EFTUD2: variants seen among roughly 807,000 people sequenced by gnomAD.
The protein encoded by EFTUD2 is 116 kDa U5 small nuclear ribonucleoprotein component.
EFTUD2 carries 9 observed loss-of-function variants against 114.3 expected under a neutral mutation model. That is an observed-to-expected ratio of 0.08 (90% CI 0.05 to 0.14). The LOEUF is 0.14. EFTUD2 is among the 10% of genes least tolerant of loss of function. The pLI, the probability that EFTUD2 is intolerant of heterozygous loss-of-function variation, is 1.00. For synonymous variants in EFTUD2, 449 were observed against 462.3 expected (o/e 0.97, Z 0.37); for missense variants, 765 against 1,241.2 (o/e 0.62, Z 5.76).
intron 10 of EFTUD2, 114 bp downstream of exon 10, chr17:44,875,820 C>CCAACAAACTCAT (rs1202858699): frequency 4.4e-6 from 6 of 1,365,556 alleles, no homozygotes; most frequent in Non-Finnish European, 6.0e-6. Context: ...CTAGTTTTGC[C>CCAACAAACTCAT]CAACAAACTC....
At chr17:44,884,818 T>C (rs1382291171) in intron 4 of EFTUD2, among the ~76,000 whole-genome samples, 3 of 151,486 alleles carry the variant, frequency 2.0e-5, no homozygotes, top group African/African-American at 7.3e-5. Flanking sequence ...GCCTGGGAGG[T>C]CAAGGCTGCA....
At chr17:44,875,270 C>T (rs2050925778) in intron 10 of EFTUD2, among the ~76,000 whole-genome samples, 1 of 152,000 alleles carries the variant, frequency 6.6e-6, no homozygotes, top group African/African-American at 2.4e-5. Context: ...GTGGTTCACG[C>T]CTGTAATCCC....
At chr17:44,857,987 T>C (rs546302791) in intron 19 of EFTUD2, among the ~76,000 whole-genome samples, 49 of 146,284 alleles carry the variant, frequency 3.3e-4, no homozygotes, top group African/African-American at 1.3e-3. Context: ...AATGGTGCGA[T>C]CTTGGCTCAC....
intron 11 of EFTUD2, among the ~76,000 whole-genome samples, chr17:44,869,489 G>A (rs1233500685): frequency 6.6e-6 from 1 of 152,014 alleles, no homozygotes; most frequent in Non-Finnish European, 1.5e-5. Context: ...TTGTAGAGAC[G>A]AGGTCTTGCC....
At chr17:44,880,358 T>C (rs895115281) in intron 8 of EFTUD2, 196 bp downstream of exon 8, 1 of 487,976 alleles carries the variant, frequency 2.0e-6, no homozygotes. Context: ...AAGACATGAA[T>C]AGAAGGCCTG....
chr17:44,878,260 G>T (rs1442617400), intron 9 of EFTUD2, among the ~76,000 whole-genome samples: 3 of 152,166 alleles, frequency 2.0e-5, no homozygotes, highest in Non-Finnish European at 2.9e-5. Context: ...ATAAGGAGAA[G>T]AATAACCAGA....
chr17:44,867,872 T>C lies in EFTUD2; in HGVS notation c.1084A>G (p.Thr362Ala), dbSNP rs1192253324. 4 of 1,603,184 alleles carry C rather than the reference T, an allele frequency of 2.5e-6. No homozygotes were observed. Among genetic ancestry groups the C allele is most frequent in the Non-Finnish European group, 3.4e-6 (4 of 1,174,558 alleles). The change falls in exon 13 of 28, where the codon ACT becomes GCT. Residue 362 changes from threonine (T) to alanine (A), a missense_variant. Around this residue, in one of 6 missense-constraint regions of EFTUD2, gnomAD observed 251 missense variants for 357.7 expected, o/e 0.70. Transcript: ENST00000426333. ...KTRKFTKKAP[T>A]SSSQRSFVEF... is the part of the protein sequence containing the mutation. ...ACGAAACTTCTCTGGGAGCTGCTAGTTGGGGCCTTTTTGGTGAACTTTCGC... is the reference window on the plus strand; with the variant it reads ...ACGAAACTTCTCTGGGAGCTGCTAGCTGGGGCCTTTTTGGTGAACTTTCGC...
At position 44,863,792 on chromosome 17, in the gene EFTUD2, G is replaced by C. The variant is rs372354442; in HGVS notation, c.1286-10C>G. The C allele has an allele frequency of 1.4e-5, 22 of 1,613,386 alleles. No individual in the cohort carries two copies. The Admixed American group carries it at 2.5e-4, about 18-fold the overall frequency. ...CACATGTCCACAAAGCCTGTGGATG[G>C]AGAAGAGAAAGCCATTAATACATGC... On this transcript the variant is annotated splice_polypyrimidine_tract_variant and intron_variant, in intron 14 of 27. Coordinates refer to ENST00000426333, the MANE Select transcript of EFTUD2 (RefSeq NM_004247.4).
At chr17:44,870,173 C>T (rs2050821214) in intron 11 of EFTUD2, among the ~76,000 whole-genome samples, 1 of 152,174 alleles carries the variant, frequency 6.6e-6, no homozygotes, top group Non-Finnish European at 1.5e-5. Flanking sequence ...CTAGCTCTGG[C>T]ATAAACTAAC....
intron 18 of EFTUD2, 25 bp downstream of exon 18, chr17:44,859,880 C>A (rs757708467): frequency 1.2e-6 from 2 of 1,613,488 alleles, no homozygotes; most frequent in Non-Finnish European, 8.5e-7. Context: ...TGGGGCTTGG[C>A]GGCTGCTGCA....
rs765924901 is a variant in EFTUD2 at position 44,852,515 on chromosome 17, G to A, written c.2609C>T (p.Thr870Ile). 1.9e-6 allele frequency: 3 copies of A among 1,614,146 alleles called. No homozygotes were observed. The highest frequency in any genetic ancestry group is 1.1e-5 in the South Asian group (1 of 91,074). ...GATGGCCGGGATAAAAGCTTTGATG[G>A]TGTACAGAGGGGAGCCTGGGATGGG... ...DAPIPGSPLY[T>I]IKAFIPAIDS... The change falls in exon 26 of 28, where the codon ACC becomes ATC. Residue 870 changes from threonine to isoleucine, a missense_variant. Thr to Ile is a moderately conservative substitution (Grantham distance 89). Coordinates refer to ENST00000426333, the MANE Select transcript of EFTUD2 (RefSeq NM_004247.4).
At chr17:44,897,023 T>C (rs1315502972) in intron 1 of EFTUD2, among the ~76,000 whole-genome samples, 2 of 152,084 alleles carry the variant, frequency 1.3e-5, no homozygotes, top group Admixed American at 1.3e-4. Flanking sequence ...GAGACCATCC[T>C]GGCTAACACG....
In EFTUD2 at chr17:44,858,589, C is replaced by G. The variant is rs561934619; in HGVS notation, c.1962+491G>C. Among the ~76,000 whole-genome samples, 49 of 152,054 alleles carry G rather than the reference C, an allele frequency of 3.2e-4. 1 individual carries two copies. Among genetic ancestry groups the G allele is most frequent in the African/African-American group, 1.1e-3 (47 of 41,478 alleles). The stretch of plus-strand genomic sequence containing the variant: ...TCCTCCCACCTAAGCCCCCCAGTAG[C>G]TGGACTACAGGTACATGCCACTGCA... On this transcript the variant is annotated intron_variant, in intron 19 of 27. Coordinates refer to ENST00000426333, the MANE Select transcript of EFTUD2 (RefSeq NM_004247.4).
Position 44,862,883 on chromosome 17 carries a change from A to C in EFTUD2, c.1437T>G (p.Thr479=). 2 of 1,611,994 alleles carry C rather than the reference A, an allele frequency of 1.2e-6. No homozygotes were observed. Among genetic ancestry groups the C allele is most frequent in the Non-Finnish European group, 1.7e-6 (2 of 1,178,220 alleles). Residue 479 remains threonine, a synonymous_variant, in exon 16 of 28, where the codon ACT becomes ACG. Coordinates refer to ENST00000426333, the MANE Select transcript of EFTUD2 (RefSeq NM_004247.4). ...DPDGPLMCHT[T]KMYSTDDGVQ... ...CTCCATCATCTGTGCTGTACATCTT[A>C]GTAGTGTGGCACATCAGGGGGCCCT... is the stretch of plus-strand genomic sequence containing the variant.
At chr17:44,885,534 G>A (rs1311329140) in intron 3 of EFTUD2, among the ~76,000 whole-genome samples, 200 bp from the exon 4 acceptor site, 1 of 151,482 alleles carries the variant, frequency 6.6e-6, no homozygotes, top group Non-Finnish European at 1.5e-5. Flanking sequence ...ATTGTGGAAA[G>A]AGGAGTCTGG....
In EFTUD2 at chr17:44,888,861, T is replaced by C. The variant is rs570777113; in HGVS notation, c.106-2111A>G. Among the ~76,000 whole-genome samples the C allele has an allele frequency of 1.3e-4, 20 of 152,260 alleles. No individual in the cohort carries two copies. The South Asian group carries it at 3.1e-3, about 24-fold the overall frequency. ...TGTTAGACATTAAGTAGAGATGCCA[T>C]GTAGGAAGGTGGACATACAAACATG... On this transcript the variant is annotated intron_variant, in intron 2 of 27. Transcript: ENST00000426333.
intron 2 of EFTUD2, among the ~76,000 whole-genome samples, chr17:44,888,869 G>A (rs983394699): frequency 6.6e-6 from 1 of 152,192 alleles, no homozygotes; most frequent in Admixed American, 6.5e-5. Context: ...CATGTAGGAA[G>A]GTGGACATAC....
intron 10 of EFTUD2, among the ~76,000 whole-genome samples, chr17:44,874,568 T>A (rs2050912858): frequency 6.6e-6 from 1 of 152,198 alleles, no homozygotes; most frequent in Admixed American, 6.5e-5. Context: ...ATTCTTTCAG[T>A]AGGACGGCCT....
At chr17:44,852,648 G>A in intron 25 of EFTUD2, 86 bp from the exon 26 acceptor site, 1 of 1,494,550 alleles carries the variant, frequency 6.7e-7, no homozygotes, top group Non-Finnish European at 9.1e-7. Context: ...TCCCCCAAAT[G>A]CATTCCAGCC....
Sources: gnomAD v4.1 joint callset for allele counts (sites outside exome capture counted in the v4.1 genomes callset) on GRCh38, gnomAD v4.1.1 for gene constraint, gnomAD v4.1.1 regional missense constraint, MANE v1.5 for transcripts, NCBI Gene and HGNC (gene_info 2026-07-23, HGNC 2026-07-21) for gene names.